Variants in TJAP1 observed in about 807,000 individuals in gnomAD.
The protein encoded by TJAP1 is tight junction-associated protein 1.
A neutral mutation model predicts 42.0 loss-of-function variants in TJAP1; 27 were observed. The ratio of observed to expected loss-of-function variants is 0.64; its 90% CI spans 0.47 to 0.89. The LOEUF (loss-of-function observed/expected upper bound fraction) is 0.89, where lower values mean the gene tolerates loss of function less well. Among genes scored for constraint, TJAP1 ranks in the 40% least tolerant of loss-of-function variants. TJAP1 has a pLI of 0.00. For missense variants in TJAP1, 712 were observed against 726.9 expected (o/e 0.98, Z 0.24); for synonymous variants, 257 against 288.4 (o/e 0.89, Z 1.10).
Position 43,505,745 on chromosome 6 carries a change from C to T in TJAP1, c.1564C>T (p.Leu522Phe), listed in dbSNP as rs1188865382. The change falls in exon 11 of 11, where the codon CTC (leucine) becomes TTC (phenylalanine). Residue 522 changes from leucine to phenylalanine, a missense_variant. By Grantham distance (22) the Leu-to-Phe change is conservative. Transcript: ENST00000372449. The surrounding 1 kb of genome is among the most constrained non-coding windows in gnomAD (Gnocchi z 5.5). ...CCACACCGAGGGCAGGGCCTGGCCACTCCCCAGCTCCAGTCGCCCCCAGCG... is the reference window on the plus strand; with the variant it reads ...CCACACCGAGGGCAGGGCCTGGCCATTCCCCAGCTCCAGTCGCCCCCAGCG... The T allele has an allele frequency of 2.0e-6, 3 of 1,527,456 alleles. No homozygotes were observed. The highest frequency in any genetic ancestry group is 2.2e-5 in the Admixed American group (1 of 45,496). 94.6% of individuals were successfully genotyped at this position (1,527,456 alleles called of 1,614,324 possible). A position where few individuals can be genotyped will look rare whatever the true frequency, so the allele number is the denominator to read the frequency against.
Position 43,495,536 on chromosome 6 carries a change from G to T in TJAP1, c.-121-2345G>T, listed in dbSNP as rs1030433742. ...TGTTGAGGAACACCATGGGCCCCCT[G>T]GTGGATTGTCTTCCCAGTGGGCATT... On this transcript the variant is annotated intron_variant, in intron 2 of 10. Transcript: ENST00000372449. This position sits in a 1 kb window ranked among gnomAD's most constrained non-coding sequence, Gnocchi z 4.6. 5.3e-5 allele frequency among the ~76,000 whole-genome samples: 8 copies of T among 152,162 alleles called. No homozygotes were observed. The highest frequency in any genetic ancestry group is 1.9e-4 in the African/African-American group (8 of 41,424).
rs577012593 is a variant in TJAP1 at position 43,504,897 on chromosome 6, C to G, written c.716C>G (p.Pro239Arg). The stretch of plus-strand genomic sequence containing the variant: ...GTCATTGCCCGAGTGTTAGAGAAGC[C>G]GGAGTCTCTACTGCTCAATTCAGCC... Residue 239 changes from proline (P) to arginine (R), a missense_variant, in exon 11 of 11, where the codon CCG becomes CGG. Coordinates refer to ENST00000372449, the Ensembl canonical transcript of TJAP1. The G allele has an allele frequency of 1.2e-5, 19 of 1,614,198 alleles. No individual in the cohort carries two copies. The South Asian group carries it at 1.8e-4, about 15-fold the overall frequency.
At chr6:43,503,906 G>A (rs1168132074) in intron 10 of TJAP1, 200 bp downstream of exon 10, 2 of 712,330 alleles carry the variant, frequency 2.8e-6, no homozygotes, top group South Asian at 3.0e-5. Context: ...ACTAGTTCTG[G>A]GGGGCCAGCC....
chr6:43,495,918 A>G lies in TJAP1; in HGVS notation c.-121-1963A>G, dbSNP rs1013889825. On this transcript the variant is annotated intron_variant, in intron 2 of 10. Transcript: ENST00000372449. This position sits in a 1 kb window ranked among gnomAD's most constrained non-coding sequence, Gnocchi z 4.6. ...TCCCTACAGGATTGCTGGACACCCA[A>G]GTGCGTTTGTGTCCTCCCTGCCTGC... Among the ~76,000 whole-genome samples the G allele has an allele frequency of 2.6e-5, 4 of 152,120 alleles. No homozygotes were observed. The highest frequency in any genetic ancestry group is 4.4e-5 in the Non-Finnish European group (3 of 68,010).
rs766085165 is a variant in TJAP1, at chr6:43,505,480, C to T, written c.1299C>T (p.Ala433=). The T allele has an allele frequency of 3.1e-6, 5 of 1,613,640 alleles. No homozygotes were observed. The highest frequency in any genetic ancestry group is 4.2e-6 in the Non-Finnish European group (5 of 1,180,040). Residue 433 remains alanine, a synonymous_variant, in exon 11 of 11, where the codon GCC becomes GCT. Transcript: ENST00000372449. The surrounding 1 kb of genome is among the most constrained non-coding windows in gnomAD (Gnocchi z 5.5). ...CTGCTGCTGTGGCCCAGCGCACAGC[C>T]TTTGGACGCGATGCCCTCCCTGAGC...
chr6:43,505,213 C>T lies in TJAP1; in HGVS notation c.1032C>T (p.Asn344=), dbSNP rs535819909. ...AGGATAAGGTTCGGATCCCCCGCAA[C>T]AGCCCCCTGCCCAACTGCACTTACG... is the stretch of plus-strand genomic sequence containing the variant. The change falls in exon 11 of 11, where the codon AAC becomes AAT. Residue 344 remains asparagine, a synonymous_variant. Coordinates refer to ENST00000372449, the Ensembl canonical transcript of TJAP1. This position sits in a 1 kb window ranked among gnomAD's most constrained non-coding sequence, Gnocchi z 5.5. 3.7e-6 allele frequency: 6 copies of T among 1,614,190 alleles called. No individual in the cohort carries two copies. In the South Asian group the frequency reaches 4.4e-5, roughly 12 times the overall value.
At chr6:43,504,969 A>G (rs757304470) in exon 11 of TJAP1, 5 of 1,614,004 alleles carry the variant, frequency 3.1e-6, no homozygotes, top group Non-Finnish European at 4.2e-6. Context: ...GTCTTTGTGC[A>G]TGTGGACATG....
intron 3 of TJAP1, among the ~76,000 whole-genome samples, chr6:43,498,425 T>C (rs1020713770): frequency 6.6e-6 from 1 of 152,052 alleles, no homozygotes; most frequent in Non-Finnish European, 1.5e-5. Flanking sequence ...TGGCACATGC[T>C]TGTGGTCCGA....
rs1791970336 is a variant in TJAP1, at chr6:43,505,036, A to C, written c.855A>C (p.Pro285=). Residue 285 remains proline (P), a synonymous_variant, in exon 11 of 11, where the codon CCA becomes CCC. Transcript: ENST00000372449. This position sits in a 1 kb window ranked among gnomAD's most constrained non-coding sequence, Gnocchi z 5.5. ...CCCCGGCCCCTGGCAGCCCCACCCC[A>C]CAACCCAATGGGGAGTGCCACTCTC... 1 of 1,613,944 alleles carries C rather than the reference A, an allele frequency of 6.2e-7. No individual in the cohort carries two copies.
chr6:43,505,432 AT>A lies in TJAP1; in HGVS notation c.1254del (p.Phe418LeufsTer69), dbSNP rs1467309315. 2 of 1,612,892 alleles carry A rather than the reference AT, an allele frequency of 1.2e-6. No homozygotes were observed. Among genetic ancestry groups the A allele is most frequent in the African/African-American group, 1.3e-5 (1 of 74,908 alleles). On this transcript the variant is annotated frameshift_variant, in exon 11 of 11. Coordinates refer to ENST00000372449, the Ensembl canonical transcript of TJAP1. LOFTEE classifies it low-confidence loss of function (END_TRUNC). The surrounding 1 kb of genome is among the most constrained non-coding windows in gnomAD (Gnocchi z 5.5). The stretch of plus-strand genomic sequence containing the variant: ...ACCTGCTGGTCAGCTGGCAGCGGGC[AT>A]TTGTGGACCGTACTCCACCACCTGC...
chr6:43,499,215 T>G, intron 4 of TJAP1, 115 bp downstream of exon 4: 21 of 1,483,550 alleles, frequency 1.4e-5, no homozygotes, highest in Non-Finnish European at 1.7e-5. Flanking sequence ...AGAGTGGGCC[T>G]TGCTGTTGCA....
At chr6:43,486,799 G>C (rs892780370) in intron 2 of TJAP1, among the ~76,000 whole-genome samples, 2 of 152,072 alleles carry the variant, frequency 1.3e-5, no homozygotes, top group Non-Finnish European at 2.9e-5. Flanking sequence ...GTCCCATCTA[G>C]GCGTACTCAG....
exon 8 of TJAP1, chr6:43,502,600 C>T (rs1218007068): frequency 6.4e-7 from 1 of 1,551,662 alleles, no homozygotes. Context: ...CTCTCTTAGC[C>T]ACAGCTGGAT....
intron 2 of TJAP1, among the ~76,000 whole-genome samples, chr6:43,488,718 C>T (rs1422656342): frequency 6.6e-6 from 1 of 152,192 alleles, no homozygotes; most frequent in African/African-American, 2.4e-5. Flanking sequence ...CTGAAGGTCA[C>T]CTGTCAGTGG....
intron 2 of TJAP1, among the ~76,000 whole-genome samples, chr6:43,489,985 A>G (rs1787451161): frequency 1.3e-5 from 2 of 152,194 alleles, no homozygotes; most frequent in African/African-American, 4.8e-5. Context: ...CGCTAACTGC[A>G]CTAACCAGGA....
chr6:43,486,665 A>AT (rs1430697776), intron 2 of TJAP1, among the ~76,000 whole-genome samples: 141 of 150,324 alleles, frequency 9.4e-4, no homozygotes, highest in Admixed American at 1.3e-3. Context: ...TCCAGTAGCT[A>AT]TTTTTTTTTG....
rs1291113406 is a variant in TJAP1, at chr6:43,491,779, C to T, written c.-121-6102C>T. On this transcript the variant is annotated intron_variant, in intron 2 of 10. Coordinates refer to ENST00000372449, the Ensembl canonical transcript of TJAP1. The surrounding 1 kb of genome is among the most constrained non-coding windows in gnomAD (Gnocchi z 4.6). ...CCTATTTATATGCATGTGGATTGAG[C>T]TTATAATGTATTATATATGAGTGTA... Among the ~76,000 whole-genome samples, 1 of 152,116 alleles carries T rather than the reference C, an allele frequency of 6.6e-6. No individual in the cohort carries two copies. Among genetic ancestry groups the T allele is most frequent in the Admixed American group, 6.5e-5 (1 of 15,274 alleles).
intron 2 of TJAP1, among the ~76,000 whole-genome samples, chr6:43,493,722 G>T (rs1788328646): frequency 6.6e-6 from 1 of 152,126 alleles, no homozygotes; most frequent in African/African-American, 2.4e-5. Context: ...ACTTTTTGCT[G>T]TTGCTCCTAT....
At chr6:43,482,059 C>T (rs554437727) in intron 2 of TJAP1, among the ~76,000 whole-genome samples, 5 of 152,238 alleles carry the variant, frequency 3.3e-5, no homozygotes, top group African/African-American at 4.8e-5. Context: ...TCAGACGTAT[C>T]GCTCCCCACT....
Sources: allele counts gnomAD v4.1 joint callset (sites outside exome capture counted in the v4.1 genomes callset), GRCh38; gene constraint gnomAD v4.1.1; non-coding constraint Gnocchi (gnomAD v3.1); transcripts MANE v1.5; gene names NCBI Gene and HGNC (gene_info 2026-07-23, HGNC 2026-07-21).